DNER: variants seen among roughly 807,000 people sequenced by gnomAD.
DNER encodes delta and Notch-like epidermal growth factor-related receptor.
DNER carries 33 observed loss-of-function variants against 78.2 expected under a neutral mutation model. The observed-to-expected ratio is 0.42, with a 90% CI of 0.32 to 0.56. DNER has a LOEUF of 0.56. DNER is among the 20% of genes least tolerant of loss of function. The pLI is 0.11. For missense variants in DNER, 918 were observed against 975.3 expected, an observed-to-expected ratio of 0.94 and a Z score of 0.78; for synonymous variants, 417 against 384.8, an observed-to-expected ratio of 1.08 and a Z score of -0.98.
intron 10 of DNER, 128 bp from the exon 11 acceptor site, chr2:229,388,524 G>T: frequency 8.9e-7 from 1 of 1,120,288 alleles, no homozygotes; most frequent in Non-Finnish European, 1.1e-6. Flanking sequence ...CCTGCTGTTT[G>T]TATAAAGTGC....
At chr2:229,679,882 C>T (rs532075230) in intron 1 of DNER, among the ~76,000 whole-genome samples, 47 of 152,166 alleles carry the variant, frequency 3.1e-4, no homozygotes, top group Non-Finnish European at 6.3e-4. Context: ...GCACAGTCAG[C>T]CCAAGCTTTC....
chr2:229,647,640 T>C (rs1158124976), intron 1 of DNER, among the ~76,000 whole-genome samples: 1 of 152,254 alleles, frequency 6.6e-6, no homozygotes, highest in East Asian at 1.9e-4. Flanking sequence ...ATCTATAACT[T>C]ATATTAGCAA....
chr2:229,556,317 G>GAA (rs1381529779), intron 4 of DNER, among the ~76,000 whole-genome samples: 1 of 152,208 alleles, frequency 6.6e-6, no homozygotes, highest in Non-Finnish European at 1.5e-5. Context: ...AACTAGTGTT[G>GAA]AAACCAGTAG....
intron 1 of DNER, among the ~76,000 whole-genome samples, chr2:229,631,941 C>T (rs1698439490): frequency 6.6e-6 from 1 of 152,192 alleles, no homozygotes; most frequent in African/African-American, 2.4e-5. Context: ...AGAATTATTT[C>T]CATTATGGTC....
chr2:229,595,647 C>T (rs185008442), intron 1 of DNER, among the ~76,000 whole-genome samples: 1 of 152,296 alleles, frequency 6.6e-6, no homozygotes, highest in Admixed American at 6.5e-5. Context: ...CTGACCTCAC[C>T]TCCTGCCCCT....
At position 229,363,443 on chromosome 2, in the gene DNER, A is replaced by T. The variant is rs114786093; in HGVS notation, c.2102+3430T>A. On this transcript the variant is annotated intron_variant, in intron 12 of 12. Transcript: ENST00000341772. ...CCAATGCCTTTCTAGGGTTTCCAGG[A>T]AAAGAGGGCCAATCAGCCTGAGACC... Among the ~76,000 whole-genome samples the T allele has an allele frequency of 5.1e-3, 783 of 152,358 alleles. 7 individuals are homozygous for T. The highest frequency in any genetic ancestry group is 0.018 in the African/African-American group (741 of 41,582).
At chr2:229,360,336 A>G (rs1395274853) in intron 12 of DNER, among the ~76,000 whole-genome samples, 1 of 152,252 alleles carries the variant, frequency 6.6e-6, no homozygotes, top group Non-Finnish European at 1.5e-5. Context: ...CCAACAAATT[A>G]TATTAACTAA....
rs73998253 is a variant in DNER at position 229,502,179 on chromosome 2, G to A, written c.1147+10604C>T. On this transcript the variant is annotated intron_variant, in intron 6 of 12. Coordinates refer to ENST00000341772, the MANE Select transcript of DNER (RefSeq NM_139072.4). Reference sequence around the variant, plus strand: ...CGAAAGGAAACCCATATGGAGCATGGCCCTATGAAGATTTGAGGGGTGCAT... The same window carrying A: ...CGAAAGGAAACCCATATGGAGCATGACCCTATGAAGATTTGAGGGGTGCAT... Among the ~76,000 whole-genome samples the A allele has an allele frequency of 4.6e-3, 694 of 152,304 alleles. 3 individuals are homozygous for A. The highest frequency in any genetic ancestry group is 0.015 in the African/African-American group (643 of 41,572).
At chr2:229,684,441 A>G (rs963904201) in intron 1 of DNER, among the ~76,000 whole-genome samples, 1 of 151,888 alleles carries the variant, frequency 6.6e-6, no homozygotes, top group South Asian at 2.1e-4. Context: ...TTCTCACTAT[A>G]CATGCTCACC....
chr2:229,465,251 T>A (rs1301487081), intron 7 of DNER, among the ~76,000 whole-genome samples: 1 of 152,116 alleles, frequency 6.6e-6, no homozygotes. Context: ...TATGCAGCCA[T>A]AAAAAGGAAC....
chr2:229,515,534 G>C (rs758317077), intron 5 of DNER, among the ~76,000 whole-genome samples: 2 of 151,944 alleles, frequency 1.3e-5, no homozygotes, highest in African/African-American at 4.8e-5. Flanking sequence ...GTTATTTGAC[G>C]GATACATTTA....
At chr2:229,588,894 C>G (rs1013030417) in intron 2 of DNER, among the ~76,000 whole-genome samples, 1 of 152,230 alleles carries the variant, frequency 6.6e-6, no homozygotes, top group African/African-American at 2.4e-5. Flanking sequence ...AGCCTAATGA[C>G]TAGGCAAGCC....
intron 4 of DNER, among the ~76,000 whole-genome samples, chr2:229,565,811 G>A (rs896472270): frequency 4.6e-5 from 7 of 151,972 alleles, no homozygotes; most frequent in Non-Finnish European, 7.4e-5. Context: ...AAATTTTTTT[G>A]GCTTGCACAG....
chr2:229,445,067 T>C (rs532419586), intron 8 of DNER, among the ~76,000 whole-genome samples: 1 of 152,310 alleles, frequency 6.6e-6, no homozygotes, highest in East Asian at 1.9e-4. Context: ...TATTTTCACA[T>C]GTGTTACGAC....
At position 229,407,333 on chromosome 2, in the gene DNER, TCA is replaced by T. The variant is rs772533374; in HGVS notation, c.1620_1621del (p.Cys540Ter). The T allele has an allele frequency of 6.2e-7, 1 of 1,613,382 alleles. No individual in the cohort carries two copies. The highest frequency in any genetic ancestry group is 8.5e-7 in the Non-Finnish European group (1 of 1,179,424). On this transcript the variant is annotated stop_gained and frameshift_variant, in exon 10 of 13. Transcript: ENST00000341772. LOFTEE classifies it high-confidence loss of function. The stretch of plus-strand genomic sequence containing the variant: ...GTTAGCGCAGGGATCCTTGTACAAT[TCA>T]CAGTGTGTTCCTGCAGAGAAACAAG...
At chr2:229,547,138 T>A (rs1696644139) in intron 4 of DNER, 46 bp from the exon 5 acceptor site, 2 of 1,607,454 alleles carry the variant, frequency 1.2e-6, no homozygotes, top group African/African-American at 1.3e-5. Flanking sequence ...GTCTCCTCTT[T>A]AAAGGCAGTG....
chr2:229,601,397 T>C (rs1376777981), intron 1 of DNER, among the ~76,000 whole-genome samples: 5 of 152,178 alleles, frequency 3.3e-5, no homozygotes, highest in Non-Finnish European at 7.4e-5. Flanking sequence ...CATCCCAAGA[T>C]TTTTTTCCCA....
At chr2:229,515,284 C>A (rs983077426) in intron 5 of DNER, among the ~76,000 whole-genome samples, 1 of 152,174 alleles carries the variant, frequency 6.6e-6, no homozygotes, top group East Asian at 1.9e-4. Flanking sequence ...CTTGTCCTTG[C>A]TCAAATGCAT....
In DNER at chr2:229,443,998, C is replaced by T. The variant is rs146838535; in HGVS notation, c.1486+3318G>A. On this transcript the variant is annotated intron_variant, in intron 8 of 12. Transcript: ENST00000341772. The stretch of plus-strand genomic sequence containing the variant: ...CAGGTTCAACAAGAGGGCCCTGTCA[C>T]GATTACAAGGCTCTGCTTTGAGACT... 2.8e-4 allele frequency among the ~76,000 whole-genome samples: 43 copies of T among 152,266 alleles called. No homozygotes were observed. The East Asian group carries it at 7.3e-3, about 26-fold the overall frequency.
Sources: allele counts gnomAD v4.1 joint callset (sites outside exome capture counted in the v4.1 genomes callset), GRCh38; gene constraint gnomAD v4.1.1; transcripts MANE v1.5; gene names NCBI Gene and HGNC (gene_info 2026-07-23, HGNC 2026-07-21).